C1orf74: variants seen among roughly 807,000 people sequenced by gnomAD.
The protein encoded by C1orf74 is UPF0739 protein C1orf74.
In C1orf74, 5 loss-of-function variants were observed where a neutral mutation model predicts 7.3. The ratio of observed to expected loss-of-function variants is 0.68; its 90% confidence interval spans 0.36 to 1.44. C1orf74 has a LOEUF of 1.44. C1orf74 is among the 40% of genes most tolerant of loss of function. The probability of loss-of-function intolerance (pLI) is 0.04; values close to 1 mark genes in which losing one functional copy is unlikely to be tolerated. For synonymous variants in C1orf74, 121 were observed against 132.5 expected, an observed-to-expected ratio of 0.91 and a Z score of 0.59; for missense variants, 291 against 314.3, an observed-to-expected ratio of 0.93 and a Z score of 0.56.
rs761822377 is a variant in C1orf74 at position 209,782,819 on chromosome 1, T to C, written c.*6A>G. The C allele has an allele frequency of 6.2e-7, 1 of 1,612,380 alleles. No homozygotes were observed. Among genetic ancestry groups the C allele is most frequent in the African/African-American group, 1.3e-5 (1 of 74,932 alleles). ...GAGTACCTTCTATATGGGAGGAGAG[T>C]TAAAGTCAGAGGGCCACAGCCGGCA... is the stretch of plus-strand genomic sequence containing the variant. On this transcript the variant is annotated 3_prime_UTR_variant, in exon 2 of 2. Transcript: ENST00000294811.
At position 209,783,278 on chromosome 1, in the gene C1orf74, G is replaced by C. The variant is rs1475712574; in HGVS notation, c.357C>G (p.Ser119Arg). Reference protein sequence around the residue: ...LGTIAFVDVSSCQRHPSVCSL... With the variant: ...LGTIAFVDVSRCQRHPSVCSL... ...AGCAGACAGAAGGGTGACGCTGGCA[G>C]CTGGAAACATCCACAAAGGCTATGG... The change falls in exon 2 of 2, where the codon AGC (serine) becomes AGG (arginine). Residue 119 changes from serine (S) to arginine (R), a missense_variant. Physicochemically the swap from Ser to Arg is moderately radical, Grantham distance 110. Transcript: ENST00000294811. 1 of 1,614,200 alleles carries C rather than the reference G, an allele frequency of 6.2e-7. No homozygotes were observed. Among genetic ancestry groups the C allele is most frequent in the East Asian group, 2.2e-5 (1 of 44,876 alleles).
In C1orf74 at chr1:209,782,820, TAA is replaced by T. The variant is rs760354082; in HGVS notation, c.*3_*4del. On this transcript the variant is annotated 3_prime_UTR_variant, in exon 2 of 2. Coordinates refer to ENST00000294811, the MANE Select transcript of C1orf74 (RefSeq NM_152485.4). ...AGTACCTTCTATATGGGAGGAGAGT[TAA>T]AGTCAGAGGGCCACAGCCGGCAGTG... The T allele has an allele frequency of 1.1e-5, 17 of 1,612,860 alleles. No homozygotes were observed. Among genetic ancestry groups the T allele is most frequent in the Non-Finnish European group, 1.4e-5 (17 of 1,179,390 alleles).
rs201328833 is a variant in C1orf74, at chr1:209,783,037, G to C, written c.598C>G (p.Leu200Val). Reference protein sequence around the residue: ...GDDNCLALTPLRVFTARISWL... With the variant: ...GDDNCLALTPVRVFTARISWL... ...GAGATCCGGGCAGTGAATACTCGTAGTGGAGTCAGAGCTAAGCAGTTGTCA... is the reference window on the plus strand; with the variant it reads ...GAGATCCGGGCAGTGAATACTCGTACTGGAGTCAGAGCTAAGCAGTTGTCA... The change falls in exon 2 of 2, where the codon CTA (leucine) becomes GTA (valine). Residue 200 changes from leucine to valine, a missense_variant. By Grantham distance (32) the Leu-to-Val change is conservative. Coordinates refer to ENST00000294811, the MANE Select transcript of C1orf74 (RefSeq NM_152485.4). The C allele has an allele frequency of 4.3e-5, 70 of 1,614,088 alleles. No homozygotes were observed. The highest frequency in any genetic ancestry group is 1.2e-4 in the Admixed American group (7 of 60,008).
Position 209,783,654 on chromosome 1 carries a change from T to C in C1orf74, c.-20A>G, listed in dbSNP as rs2077813458. On this transcript the variant is annotated 5_prime_UTR_variant, in exon 2 of 2. The change abolishes the stop of an existing upstream ORF in the 5' untranslated region. Transcript: ENST00000294811. The stretch of plus-strand genomic sequence containing the variant: ...CAACATCAAGAATGGCCTCCTTAGC[T>C]AGCCCGAGTTCCCTTCCCTGGGTGG... The C allele has an allele frequency of 6.5e-7, 1 of 1,545,582 alleles. No individual in the cohort carries two copies. The highest frequency in any genetic ancestry group is 8.7e-7 in the Non-Finnish European group (1 of 1,145,848).
At position 209,782,199 on chromosome 1, in the gene C1orf74, G is replaced by A. The variant is rs374407402; in HGVS notation, c.*626C>T. 6.2e-5 allele frequency: 90 copies of A among 1,450,748 alleles called. No homozygotes were observed. The highest frequency in any genetic ancestry group is 2.0e-4 in the East Asian group (9 of 44,036). 89.9% of individuals were successfully genotyped at this position (1,450,748 alleles called of 1,614,324 possible). A position where few individuals can be genotyped will look rare whatever the true frequency, so the allele number is the denominator to read the frequency against. ...GAAAATCAGAAGCAAGCAACTCAGC[G>A]AAAAACTCAGAAGGTTTGGGTACAT... On this transcript the variant is annotated 3_prime_UTR_variant, in exon 2 of 2. Coordinates refer to ENST00000294811, the MANE Select transcript of C1orf74 (RefSeq NM_152485.4).
At position 209,782,455 on chromosome 1, in the gene C1orf74, A is replaced by C; in HGVS notation, c.*370T>G. 1 of 462,822 alleles carries C rather than the reference A, an allele frequency of 2.2e-6. No homozygotes were observed. The highest frequency in any genetic ancestry group is 3.9e-6 in the Non-Finnish European group (1 of 255,056). 28.7% of individuals were successfully genotyped at this position (462,822 alleles called of 1,614,324 possible). On this transcript the variant is annotated 3_prime_UTR_variant, in exon 2 of 2. Coordinates refer to ENST00000294811, the MANE Select transcript of C1orf74 (RefSeq NM_152485.4). The stretch of plus-strand genomic sequence containing the variant: ...GAAAAGCCCCCAGCCCTACTTTCCT[A>C]GCATGCAGCACCCACATAGAGCAGG...
Position 209,783,046 on chromosome 1 carries a change from G to T in C1orf74, c.589C>A (p.Leu197Met). 1 of 1,614,228 alleles carries T rather than the reference G, an allele frequency of 6.2e-7. No individual in the cohort carries two copies. The highest frequency in any genetic ancestry group is 2.2e-5 in the East Asian group (1 of 44,886). The change falls in exon 2 of 2, where the codon CTG becomes ATG. Residue 197 changes from leucine to methionine, a missense_variant. Transcript: ENST00000294811. ...GCAGTGAATACTCGTAGTGGAGTCA[G>T]AGCTAAGCAGTTGTCATCTCCCTGG... ...LNQGDDNCLA[L>M]TPLRVFTARI...
Position 209,783,526 on chromosome 1 carries a change from G to A in C1orf74, c.109C>T (p.Leu37Phe), listed in dbSNP as rs751167966. The A allele has an allele frequency of 2.5e-6, 4 of 1,614,046 alleles. No individual in the cohort carries two copies. The East Asian group carries it at 6.7e-5, about 27-fold the overall frequency. ...GCCAGCACCTCTCCAGCTAAGTGAAGGCAGATGGCTTGGGGTGGACTCCGT... is the reference window on the plus strand; with the variant it reads ...GCCAGCACCTCTCCAGCTAAGTGAAAGCAGATGGCTTGGGGTGGACTCCGT... ...KRRSPPQAIC[L>F]HLAGEVLAVA... The change falls in exon 2 of 2, where the codon CTT becomes TTT. Residue 37 changes from leucine to phenylalanine, a missense_variant. By Grantham distance (22) the Leu-to-Phe change is conservative. Coordinates refer to ENST00000294811, the MANE Select transcript of C1orf74 (RefSeq NM_152485.4).
Position 209,782,205 on chromosome 1 carries a change from C to T in C1orf74, c.*620G>A. ...CAGAAGCAAGCAACTCAGCGAAAAA[C>T]TCAGAAGGTTTGGGTACATTACAGC... is the stretch of plus-strand genomic sequence containing the variant. On this transcript the variant is annotated 3_prime_UTR_variant, in exon 2 of 2. Transcript: ENST00000294811. The T allele has an allele frequency of 7.0e-7, 1 of 1,434,798 alleles. No homozygotes were observed. The highest frequency in any genetic ancestry group is 9.8e-7 in the Non-Finnish European group (1 of 1,016,778). 88.9% of individuals were successfully genotyped at this position (1,434,798 alleles called of 1,614,324 possible).
Position 209,783,038 on chromosome 1 carries a change from T to G in C1orf74, c.597A>C (p.Pro199=), listed in dbSNP as rs746373862. 2.5e-6 allele frequency: 4 copies of G among 1,614,196 alleles called. No individual in the cohort carries two copies. In the Admixed American group the frequency reaches 5.0e-5, roughly 20 times the overall value. The change falls in exon 2 of 2, where the codon CCA becomes CCC. Residue 199 remains proline, a synonymous_variant. Transcript: ENST00000294811. ...AGATCCGGGCAGTGAATACTCGTAG[T>G]GGAGTCAGAGCTAAGCAGTTGTCAT... is the stretch of plus-strand genomic sequence containing the variant. ...QGDDNCLALT[P]LRVFTARISW...
chr1:209,784,045 A>C (rs1032474101), intron 1 of C1orf74, among the ~76,000 whole-genome samples: 2 of 152,194 alleles, frequency 1.3e-5, no homozygotes, highest in African/African-American at 4.8e-5. Context: ...TTCGCCCAAA[A>C]GCCCTTCTGG....
chr1:209,783,177 A>C lies in C1orf74; in HGVS notation c.458T>G (p.Leu153Ter). Residue 153 changes from leucine to a stop codon, truncating the protein, a stop_gained, in exon 2 of 2, where the codon TTA becomes TGA. Transcript: ENST00000294811. LOFTEE classifies it high-confidence loss of function. ...ITHLQGLQRDLSLAVSYSRLH... is the reference protein window; with the variant it reads ...ITHLQGLQRD The stretch of plus-strand genomic sequence containing the variant: ...CCTGCTGTAGGAGACTGCTAGAGAT[A>C]AGTCCCTCTGCAGCCCCTGCAAATG... 6.2e-7 allele frequency: 1 copy of C among 1,614,168 alleles called. No individual in the cohort carries two copies. The highest frequency in any genetic ancestry group is 1.3e-5 in the African/African-American group (1 of 75,032).
In C1orf74 at chr1:209,782,840, C is replaced by A; in HGVS notation, c.795G>T (p.Pro265=). The A allele has an allele frequency of 6.2e-7, 1 of 1,613,832 alleles. No individual in the cohort carries two copies. Reference sequence around the variant, plus strand: ...AGAGTTAAAGTCAGAGGGCCACAGCCGGCAGTGTGACTATCTCAGAGGAGA... The same window carrying A: ...AGAGTTAAAGTCAGAGGGCCACAGCAGGCAGTGTGACTATCTCAGAGGAGA... ...LSISSEIVTL[P]AVAL is the part of the protein sequence containing the mutation. The change falls in exon 2 of 2, where the codon CCG becomes CCT. Residue 265 remains proline (P), a synonymous_variant. Coordinates refer to ENST00000294811, the MANE Select transcript of C1orf74 (RefSeq NM_152485.4).
Position 209,783,590 on chromosome 1 carries a change from C to T in C1orf74, c.45G>A (p.Leu15=), listed in dbSNP as rs1330550921. The T allele has an allele frequency of 6.2e-7, 1 of 1,611,138 alleles. No individual in the cohort carries two copies. The highest frequency in any genetic ancestry group is 1.1e-5 in the South Asian group (1 of 90,794). Residue 15 remains leucine, a synonymous_variant, in exon 2 of 2, where the codon CTG becomes CTA. Coordinates refer to ENST00000294811, the MANE Select transcript of C1orf74 (RefSeq NM_152485.4). ...CAAGGGTCTGCTGAGCAGCTGCCAC[C>T]AGCAGCTGAGGGCTCGGTGATGACA... ...DLMSSPSPQL[L]VAAAQQTLGM...
At position 209,781,200 on chromosome 1, in the gene C1orf74, C is replaced by G; in HGVS notation, c.*1625G>C. The G allele has an allele frequency of 1.8e-6, 1 of 553,006 alleles. No homozygotes were observed. The highest frequency in any genetic ancestry group is 3.3e-6 in the Non-Finnish European group (1 of 301,374). 34.3% of individuals were successfully genotyped at this position (553,006 alleles called of 1,614,324 possible). ...CAGACAATGTAAGACAGTCAAAAGA[C>G]AAACTCAAATCCCTGAGAATGGCTG... On this transcript the variant is annotated 3_prime_UTR_variant, in exon 2 of 2. Coordinates refer to ENST00000294811, the MANE Select transcript of C1orf74 (RefSeq NM_152485.4).
At chr1:209,784,153 C>T (rs2077817320) in intron 1 of C1orf74, among the ~76,000 whole-genome samples, 1 of 152,162 alleles carries the variant, frequency 6.6e-6, no homozygotes, top group Admixed American at 6.5e-5. Flanking sequence ...GATTAATATA[C>T]ACCAGAATGT....
Position 209,783,364 on chromosome 1 carries a change from T to G in C1orf74, c.271A>C (p.Asn91His). 1 of 1,614,148 alleles carries G rather than the reference T, an allele frequency of 6.2e-7. No homozygotes were observed. Among genetic ancestry groups the G allele is most frequent in the Non-Finnish European group, 8.5e-7 (1 of 1,180,024 alleles). Residue 91 changes from asparagine (N) to histidine (H), a missense_variant, in exon 2 of 2, where the codon AAC (asparagine) becomes CAC (histidine). Coordinates refer to ENST00000294811, the MANE Select transcript of C1orf74 (RefSeq NM_152485.4). ...TGCTCAGGACTGACAATCAGGCTGT[T>G]TTCTCCAATCTCAAGGATGTGAAGT... is the stretch of plus-strand genomic sequence containing the variant. ...FGLHILEIGE[N>H]SLIVSPEHVC...
At position 209,782,128 on chromosome 1, in the gene C1orf74, A is replaced by G; in HGVS notation, c.*697T>C. Reference sequence around the variant, plus strand: ...AGCACTGGCAGTGTTCCTGGCCAATAAAGACAACCTGATGATCTGAATAAT... The same window carrying G: ...AGCACTGGCAGTGTTCCTGGCCAATGAAGACAACCTGATGATCTGAATAAT... On this transcript the variant is annotated 3_prime_UTR_variant, in exon 2 of 2. Transcript: ENST00000294811. 1 of 1,614,072 alleles carries G rather than the reference A, an allele frequency of 6.2e-7. No homozygotes were observed. The highest frequency in any genetic ancestry group is 8.5e-7 in the Non-Finnish European group (1 of 1,179,908).
At position 209,781,547 on chromosome 1, in the gene C1orf74, C is replaced by T. The variant is rs1418376691; in HGVS notation, c.*1278G>A. 2.0e-5 allele frequency: 18 copies of T among 916,166 alleles called. No individual in the cohort carries two copies. The highest frequency in any genetic ancestry group is 5.6e-5 in the South Asian group (4 of 71,574). 56.8% of individuals were successfully genotyped at this position (916,166 alleles called of 1,614,324 possible). On this transcript the variant is annotated 3_prime_UTR_variant, in exon 2 of 2. Coordinates refer to ENST00000294811, the MANE Select transcript of C1orf74 (RefSeq NM_152485.4). ...TTTGCACATAAAATATATCAGCCCA[C>T]GCCAACAACTGGCCATCCTGTCCCA...
Sources: gnomAD v4.1 joint callset for allele counts (sites outside exome capture counted in the v4.1 genomes callset) on GRCh38, gnomAD v4.1.1 for gene constraint, MANE v1.5 for transcripts, NCBI Gene and HGNC (gene_info 2026-07-23, HGNC 2026-07-21) for gene names.